Variants in CHUK observed in about 807,000 individuals in gnomAD.
CHUK encodes the protein component of inhibitor of nuclear factor kappa B kinase complex.
In CHUK, 35 loss-of-function variants were observed where a neutral mutation model predicts 104.8. The ratio of observed to expected loss-of-function variants is 0.33; its 90% confidence interval spans 0.26 to 0.44. The LOEUF (loss-of-function observed/expected upper bound fraction) is 0.44, where lower values mean the gene tolerates loss of function less well. CHUK is among the 20% of genes least tolerant of loss of function. The probability of loss-of-function intolerance (pLI) is 1.00; values close to 1 mark genes in which losing one functional copy is unlikely to be tolerated. For synonymous variants in CHUK, 276 were observed against 291.9 expected (o/e 0.95, Z 0.56); for missense variants, 663 against 902.7 (o/e 0.73, Z 3.40).
At position 100,222,872 on chromosome 10, in the gene CHUK, G is replaced by A. The variant is rs776606171; in HGVS notation, c.309C>T (p.Leu103=). 1 of 1,505,842 alleles carries A rather than the reference G, an allele frequency of 6.6e-7. No individual in the cohort carries two copies. Among genetic ancestry groups the A allele is most frequent in the South Asian group, 1.1e-5 (1 of 88,780 alleles). The allele number at this position is 1,505,842 out of a possible 1,614,324, so 93.3% of individuals were successfully genotyped here. Residue 103 remains leucine (L), a synonymous_variant, in exon 3 of 21, where the codon CTC becomes CTT. Coordinates refer to ENST00000370397, the MANE Select transcript of CHUK (RefSeq NM_001278.5). ...CTCAAAACATCCACACTACCTTTCGGAGATCTCCTCCAGAACAGTATTCCA... is the reference window on the plus strand; with the variant it reads ...CTCAAAACATCCACACTACCTTTCGAAGATCTCCTCCAGAACAGTATTCCA... The part of the protein sequence containing the change: ...LAMEYCSGGD[L]RKLLNKPENC...
intron 2 of CHUK, among the ~76,000 whole-genome samples, chr10:100,223,561 C>T (rs1304167701): frequency 2.0e-5 from 3 of 151,860 alleles, no homozygotes; most frequent in East Asian, 1.9e-4. Context: ...CTGCTTGAGC[C>T]CAGGAGTTCA....
intron 1 of CHUK, among the ~76,000 whole-genome samples, chr10:100,228,127 T>C (rs1846146343): frequency 6.6e-6 from 1 of 152,214 alleles, no homozygotes. Context: ...TTACACACAT[T>C]ACTATTTTAT....
At chr10:100,224,086 A>ACTCTCTCTCTCT (rs3884083) in intron 2 of CHUK, among the ~76,000 whole-genome samples, 2 of 148,220 alleles carry the variant, frequency 1.3e-5, no homozygotes, top group African/African-American at 5.0e-5. Context: ...TCGCTCGTTC[A>ACTCTCTCTCTCT]CTCTCTCTCT....
chr10:100,202,641 T>G (rs916756990), intron 13 of CHUK, among the ~76,000 whole-genome samples: 1 of 152,226 alleles, frequency 6.6e-6, no homozygotes, highest in African/African-American at 2.4e-5. Context: ...TTTCCATTGC[T>G]TAAGCCACTC....
Position 100,204,558 on chromosome 10 carries a change from T to C in CHUK, c.1455A>G (p.Lys485=). The C allele has an allele frequency of 1.2e-6, 2 of 1,613,646 alleles. No individual in the cohort carries two copies. Among genetic ancestry groups the C allele is most frequent in the Non-Finnish European group, 1.7e-6 (2 of 1,179,616 alleles). The change falls in exon 13 of 21, where the codon AAA becomes AAG. Residue 485 remains lysine (K), a synonymous_variant. Transcript: ENST00000370397. ...ATCTCTCCAAGTCAAGCTGAATGCT[T>C]TTGTGAAAAAACTCCAATTTAGCTT... ...QLKAKLEFFH[K]SIQLDLERYS... is the part of the protein sequence containing the mutation.
intron 5 of CHUK, 117 bp from the exon 6 acceptor site, chr10:100,219,476 T>A: frequency 1.5e-6 from 1 of 673,836 alleles, no homozygotes. Flanking sequence ...GGCTCTGTAA[T>A]AACACAAAAA....
intron 14 of CHUK, among the ~76,000 whole-genome samples, chr10:100,201,365 C>G (rs371139955): frequency 1.3e-5 from 2 of 152,146 alleles, no homozygotes; most frequent in East Asian, 3.9e-4. Flanking sequence ...ATTGTCCAAA[C>G]CGGCATAATT....
At chr10:100,214,140 T>C (rs1381944291) in intron 9 of CHUK, among the ~76,000 whole-genome samples, 1 of 152,158 alleles carries the variant, frequency 6.6e-6, no homozygotes, top group Non-Finnish European at 1.5e-5. Flanking sequence ...GAGTATGTCA[T>C]CATGGCATCT....
intron 15 of CHUK, among the ~76,000 whole-genome samples, chr10:100,200,346 A>G (rs1486451569): frequency 6.6e-6 from 1 of 152,220 alleles, no homozygotes; most frequent in Non-Finnish European, 1.5e-5. Context: ...AAAAATTTCA[A>G]GTTTTAGGGC....
In CHUK at chr10:100,209,688, A is replaced by G. The variant is rs1309403017; in HGVS notation, c.1035T>C (p.Thr345=). The change falls in exon 10 of 21, where the codon ACT becomes ACC. Residue 345 remains threonine (T), a synonymous_variant. Coordinates refer to ENST00000370397, the MANE Select transcript of CHUK (RefSeq NM_001278.5). ...GTTCTTGAGAACCAGTATTTATTCC[A>G]GTTTCACGCTCAATACGAGACTGTA... ...HSLQSRIERE[T]GINTGSQELL... 1.3e-6 allele frequency: 2 copies of G among 1,592,426 alleles called. No homozygotes were observed. Among genetic ancestry groups the G allele is most frequent in the Non-Finnish European group, 1.7e-6 (2 of 1,160,374 alleles).
intron 20 of CHUK, chr10:100,190,036 T>C (rs1346373092): frequency 1.9e-5 from 3 of 155,900 alleles, no homozygotes; most frequent in South Asian, 1.6e-4. Flanking sequence ...TTTTTTTTTT[T>C]TCCCCGAGAC....
chr10:100,193,352 G>A lies in CHUK; in HGVS notation c.2054C>T (p.Pro685Leu), dbSNP rs148373303. The change falls in exon 19 of 21, where the codon CCG (proline) becomes CTG (leucine). Residue 685 changes from proline (P) to leucine (L), a missense_variant. By Grantham distance (98) the Pro-to-Leu change is moderately conservative. Coordinates refer to ENST00000370397, the MANE Select transcript of CHUK (RefSeq NM_001278.5). ...AGAATGATCATGTTCTGCTGAAGTC[G>A]GGGGCAGCCATGCTGATGTCTGAGG... ...VTPQTSAWLP[P>L]TSAEHDHSLS... The A allele has an allele frequency of 3.3e-4, 535 of 1,614,026 alleles. No homozygotes were observed. The highest frequency in any genetic ancestry group is 4.2e-4 in the Non-Finnish European group (501 of 1,179,950).
At chr10:100,200,920 T>TA in intron 14 of CHUK, 140 bp from the exon 15 acceptor site, 1 of 684,730 alleles carries the variant, frequency 1.5e-6, no homozygotes, top group Non-Finnish European at 2.7e-6. Flanking sequence ...CTGATTTTGT[T>TA]AAAGCCTTTC....
chr10:100,201,366 C>T (rs565124602), intron 14 of CHUK, among the ~76,000 whole-genome samples: 4 of 152,010 alleles, frequency 2.6e-5, no homozygotes, highest in Admixed American at 6.6e-5. Context: ...TTGTCCAAAC[C>T]GGCATAATTT....
intron 4 of CHUK, 58 bp downstream of exon 4, chr10:100,222,054 A>T: frequency 1.1e-6 from 1 of 879,768 alleles, no homozygotes; most frequent in Non-Finnish European, 1.9e-6. Flanking sequence ...TCCCAAAAAG[A>T]TCTTTTATGG....
Position 100,197,872 on chromosome 10 carries a change from AAAAAACGATAT to A in CHUK, c.1729+2088_1729+2098del, listed in dbSNP as rs1266462013. 1.3e-3 allele frequency among the ~76,000 whole-genome samples: 198 copies of A among 152,308 alleles called. 1 individual carries two copies. Among genetic ancestry groups the A allele is most frequent in the African/African-American group, 4.7e-3 (195 of 41,568 alleles). Reference sequence around the variant, plus strand: ...GAGCCCACCTCTAAAAACAAAAACCAAAAAACGATATTTTCTAAAACAAAAAAATTTGAGTG... The same window carrying A: ...GAGCCCACCTCTAAAAACAAAAACCATTTCTAAAACAAAAAAATTTGAGTG... On this transcript the variant is annotated intron_variant, in intron 16 of 20. Transcript: ENST00000370397.
At chr10:100,207,177 A>T (rs1845608133) in intron 11 of CHUK, 53 bp downstream of exon 11, 2 of 864,594 alleles carry the variant, frequency 2.3e-6, no homozygotes, top group Non-Finnish European at 2.0e-6. Context: ...ACTGAGAGTC[A>T]AAGTTATATT....
chr10:100,189,540 T>C lies in CHUK; in HGVS notation c.*58A>G. On this transcript the variant is annotated 3_prime_UTR_variant, in exon 21 of 21. Coordinates refer to ENST00000370397, the MANE Select transcript of CHUK (RefSeq NM_001278.5). The stretch of plus-strand genomic sequence containing the variant: ...AATGGTTTCATGGGGGAAAAACACA[T>C]TTCCAACATGTATAGCAACAACTTC... 1 of 1,433,274 alleles carries C rather than the reference T, an allele frequency of 7.0e-7. No homozygotes were observed. The highest frequency in any genetic ancestry group is 1.1e-5 in the South Asian group (1 of 87,342). 88.8% of individuals were successfully genotyped at this position (1,433,274 alleles called of 1,614,324 possible). A position where few individuals can be genotyped will look rare whatever the true frequency, so the allele number is the denominator to read the frequency against.
chr10:100,197,393 C>T (rs1274704367), intron 16 of CHUK, among the ~76,000 whole-genome samples: 1 of 152,144 alleles, frequency 6.6e-6, no homozygotes, highest in Non-Finnish European at 1.5e-5. Flanking sequence ...TCTCTTCTTT[C>T]CTGAGCAGCC....
Sources: allele counts gnomAD v4.1 joint callset (sites outside exome capture counted in the v4.1 genomes callset), GRCh38; gene constraint gnomAD v4.1.1; transcripts MANE v1.5; gene names NCBI Gene and HGNC (gene_info 2026-07-23, HGNC 2026-07-21).